The following DPP10 variants were observed in gnomAD, a reference collection of about 807,000 sequenced individuals.
DPP10 encodes the protein dipeptidyl peptidase like 10.
DPP10 carries 33 observed loss-of-function variants against 120.9 expected under a neutral mutation model. The observed-to-expected ratio is 0.27, with a 90% CI of 0.21 to 0.37. The LOEUF (loss-of-function observed/expected upper bound fraction) is 0.37. Ranked by LOEUF, DPP10 falls within the 10% of genes least tolerant of loss-of-function variation. The pLI is 1.00. For synonymous variants in DPP10, 337 were observed against 326.1 expected (o/e 1.03, Z -0.36); for missense variants, 816 against 942.8 (o/e 0.87, Z 1.76).
chr2:115,110,245 G>C (rs1206238188), intron 1 of DPP10, among the ~76,000 whole-genome samples: 2 of 152,108 alleles, frequency 1.3e-5, no homozygotes, highest in Non-Finnish European at 2.9e-5. Flanking sequence ...TTCTGGGTTT[G>C]GAAGTAAGAA....
chr2:115,246,448 G>A (rs2058536875), intron 1 of DPP10, among the ~76,000 whole-genome samples: 1 of 152,096 alleles, frequency 6.6e-6, no homozygotes, highest in South Asian at 2.1e-4. Context: ...TAAAAGAATT[G>A]GTGGATTTTT....
At chr2:115,195,719 G>C (rs947421448) in intron 1 of DPP10, among the ~76,000 whole-genome samples, 9 of 152,166 alleles carry the variant, frequency 5.9e-5, no homozygotes, top group African/African-American at 2.2e-4. Flanking sequence ...TGCCTTGACA[G>C]AATTCTTAAC....
chr2:114,664,855 T>TAGAGCATCCAAAAGATGGGAA, intron 1 of DPP10, among the ~76,000 whole-genome samples: 1 of 142,808 alleles, frequency 7.0e-6, no homozygotes, highest in East Asian at 2.1e-4. Flanking sequence ...AAAGATGGGA[T>TAGAGCATCCAAAAGATGGGAA]AGAGCATCCA....
chr2:115,619,418 C>T (rs570979532), intron 5 of DPP10, among the ~76,000 whole-genome samples: 2 of 152,146 alleles, frequency 1.3e-5, no homozygotes, highest in South Asian at 2.1e-4. Context: ...ATTAGTTCCC[C>T]GCTTAAAATG....
chr2:115,190,691 G>A (rs540076036), intron 1 of DPP10, among the ~76,000 whole-genome samples: 36 of 152,280 alleles, frequency 2.4e-4, no homozygotes, highest in African/African-American at 8.2e-4. Flanking sequence ...ATGACTCATC[G>A]CCCCAGGCTG....
chr2:115,685,280 A>G (rs936299781), intron 5 of DPP10, among the ~76,000 whole-genome samples: 2 of 151,918 alleles, frequency 1.3e-5, no homozygotes, highest in African/African-American at 4.8e-5. Flanking sequence ...CACTAGCTGT[A>G]TTTTTCTAAA....
At chr2:115,012,427 C>G (rs1362583460) in intron 1 of DPP10, among the ~76,000 whole-genome samples, 3 of 152,194 alleles carry the variant, frequency 2.0e-5, no homozygotes, top group Non-Finnish European at 4.4e-5. Context: ...CTCACAGATT[C>G]CACTTCACTC....
intron 3 of DPP10, among the ~76,000 whole-genome samples, chr2:115,469,508 C>G (rs1157335865): frequency 1.3e-5 from 2 of 152,144 alleles, no homozygotes; most frequent in African/African-American, 4.8e-5. Context: ...TTGACTTTAA[C>G]TTTATATCTG....
chr2:115,136,643 T>C (rs2050666495), intron 1 of DPP10, among the ~76,000 whole-genome samples: 1 of 150,388 alleles, frequency 6.6e-6, no homozygotes, highest in East Asian at 1.9e-4. Flanking sequence ...AGGCAAAAAC[T>C]GCAAAGGGAT....
chr2:115,216,779 T>G (rs1168411338), intron 1 of DPP10, among the ~76,000 whole-genome samples: 3 of 151,924 alleles, frequency 2.0e-5, no homozygotes, highest in Non-Finnish European at 2.9e-5. Flanking sequence ...AGTGAGACTC[T>G]GTCTCAAAAA....
At chr2:115,805,592 G>C (rs898146436) in intron 19 of DPP10, among the ~76,000 whole-genome samples, 2 of 92,248 alleles carry the variant, frequency 2.2e-5, no homozygotes, top group Non-Finnish European at 4.3e-5. Context: ...TTTTTTTTTT[G>C]AGACGCAGTC....
intron 1 of DPP10, among the ~76,000 whole-genome samples, chr2:115,149,811 T>C (rs1008144142): frequency 1.3e-5 from 2 of 152,206 alleles, no homozygotes; most frequent in African/African-American, 4.8e-5. Context: ...ACTTGGGACA[T>C]ACTTATACTA....
In DPP10 at chr2:115,361,646, A is replaced by G. The variant is rs1017307538; in HGVS notation, c.271+17734A>G. ...TGGGGTCACAGGATCTCTCATAGCT[A>G]GGATCTCAGAGGTCTGTGGCAGGAG... On this transcript the variant is annotated intron_variant, in intron 3 of 25. Transcript: ENST00000410059. 3.3e-5 allele frequency among the ~76,000 whole-genome samples: 5 copies of G among 152,152 alleles called. No individual in the cohort carries two copies. The South Asian group carries it at 1.0e-3, about 32-fold the overall frequency.
At chr2:114,868,772 A>G (rs1690441616) in intron 1 of DPP10, among the ~76,000 whole-genome samples, 1 of 152,154 alleles carries the variant, frequency 6.6e-6, no homozygotes, top group Non-Finnish European at 1.5e-5. Context: ...AAGTACAAAA[A>G]CAATTCTTTT....
rs550609059 is a variant in DPP10, at chr2:114,926,442, C to G, written c.61-382797C>G. ...CTTAAAAGTCACATCGCTGGAATGA[C>G]TCCTGATGTTTGTCAGAAGCTGGAT... On this transcript the variant is annotated intron_variant, in intron 1 of 25. Coordinates refer to ENST00000410059, the MANE Select transcript of DPP10 (RefSeq NM_020868.6). Among the ~76,000 whole-genome samples, 28 of 152,326 alleles carry G rather than the reference C, an allele frequency of 1.8e-4. No individual in the cohort carries two copies. The South Asian group carries it at 5.6e-3, about 30-fold the overall frequency.
chr2:115,656,383 A>AT (rs919906948), intron 5 of DPP10, among the ~76,000 whole-genome samples: 14 of 150,982 alleles, frequency 9.3e-5, no homozygotes, highest in South Asian at 4.2e-4. Context: ...ATTGGTGCTA[A>AT]TTTTTTTTTA....
intron 1 of DPP10, among the ~76,000 whole-genome samples, chr2:114,792,123 GT>G (rs1333390077): frequency 6.6e-6 from 1 of 151,994 alleles, no homozygotes; most frequent in East Asian, 1.9e-4. Flanking sequence ...TGGCTTATAT[GT>G]TTTTTATCAT....
chr2:115,279,950 G>T (rs1447916371), intron 1 of DPP10, among the ~76,000 whole-genome samples: 1 of 151,858 alleles, frequency 6.6e-6, no homozygotes, highest in Non-Finnish European at 1.5e-5. Context: ...CTAGAATATT[G>T]ACACTTTAAG....
intron 1 of DPP10, among the ~76,000 whole-genome samples, chr2:115,297,451 GC>G (rs986476194): frequency 5.9e-5 from 9 of 151,972 alleles, no homozygotes; most frequent in African/African-American, 1.9e-4. Context: ...AGTGTAAAAA[GC>G]TATTGAGAAT....
Sources: allele counts gnomAD v4.1 joint callset (sites outside exome capture counted in the v4.1 genomes callset), GRCh38; gene constraint gnomAD v4.1.1; transcripts MANE v1.5; gene names NCBI Gene and HGNC (gene_info 2026-07-23, HGNC 2026-07-21).